PRKCE: variants seen among roughly 807,000 people sequenced by gnomAD.
PRKCE encodes protein kinase C epsilon.
A neutral mutation model predicts 85.4 loss-of-function variants in PRKCE; 16 were observed. The ratio of observed to expected loss-of-function variants is 0.19; its 90% CI spans 0.13 to 0.28. The LOEUF is 0.28. Among genes scored for constraint, PRKCE ranks in the 10% least tolerant of loss-of-function variants. PRKCE has a pLI of 1.00. For missense variants in PRKCE, 573 were observed against 975.2 expected, an observed-to-expected ratio of 0.59 and a Z score of 5.49; for synonymous variants, 388 against 371.5, an observed-to-expected ratio of 1.04 and a Z score of -0.51.
intron 11 of PRKCE, among the ~76,000 whole-genome samples, chr2:46,131,143 G>A (rs59584345): frequency 0.037 from 5,575 of 152,298 alleles, 324 homozygotes; most frequent in African/African-American, 0.12. Flanking sequence ...AATGGCCTCA[G>A]GAAAATCCAA....
chr2:45,856,511 G>A (rs139924918), intron 2 of PRKCE, among the ~76,000 whole-genome samples: 18 of 152,352 alleles, frequency 1.2e-4, no homozygotes, highest in East Asian at 9.6e-4. Context: ...GATTACAGGC[G>A]TGAGCCATGT....
chr2:45,770,180 G>A (rs1251104992), intron 1 of PRKCE, among the ~76,000 whole-genome samples: 1 of 152,178 alleles, frequency 6.6e-6, no homozygotes, highest in Non-Finnish European at 1.5e-5. Context: ...CTGCAGCCCT[G>A]GGGGACACTG....
intron 6 of PRKCE, among the ~76,000 whole-genome samples, chr2:45,984,938 G>A (rs1211799648): frequency 1.3e-5 from 2 of 152,154 alleles, no homozygotes; most frequent in Non-Finnish European, 2.9e-5. Context: ...TCACAATCTG[G>A]GGAGACAAAA....
At chr2:45,736,594 GC>G (rs1186527958) in intron 1 of PRKCE, among the ~76,000 whole-genome samples, 3 of 152,184 alleles carry the variant, frequency 2.0e-5, no homozygotes, top group African/African-American at 7.2e-5. Context: ...GACACTGCCT[GC>G]CTCTCCATCA....
intron 13 of PRKCE, among the ~76,000 whole-genome samples, chr2:46,153,447 A>C (rs182803810): frequency 2.2e-4 from 33 of 152,342 alleles, no homozygotes; most frequent in African/African-American, 7.7e-4. Flanking sequence ...CTAAATGGTA[A>C]CAAGTGCAAA....
intron 10 of PRKCE, among the ~76,000 whole-genome samples, chr2:46,044,137 T>C (rs1453213785): frequency 1.3e-5 from 2 of 152,212 alleles, no homozygotes; most frequent in African/African-American, 4.8e-5. Flanking sequence ...CACTGGGGAC[T>C]GTGTTCAAAC....
intron 2 of PRKCE, among the ~76,000 whole-genome samples, chr2:45,884,941 G>T (rs1695135390): frequency 8.9e-6 from 1 of 112,248 alleles, no homozygotes; most frequent in Non-Finnish European, 1.8e-5. Context: ...CGTGTGATCT[G>T]TTATATGTGA....
intron 10 of PRKCE, among the ~76,000 whole-genome samples, chr2:46,017,927 C>T (rs1030947575): frequency 6.6e-6 from 1 of 152,216 alleles, no homozygotes; most frequent in African/African-American, 2.4e-5. Flanking sequence ...GTATTTCTGT[C>T]TCCTTCTCTG....
At chr2:45,937,042 T>C (rs567716430) in intron 2 of PRKCE, among the ~76,000 whole-genome samples, 1 of 152,296 alleles carries the variant, frequency 6.6e-6, no homozygotes, top group South Asian at 2.1e-4. Context: ...CTTGGACCTT[T>C]TGTGGGCTCC....
chr2:45,697,024 T>C lies in PRKCE; in HGVS notation c.348+44576T>C, dbSNP rs368890273. On this transcript the variant is annotated intron_variant, in intron 1 of 14. Transcript: ENST00000306156. This position sits in a 1 kb window ranked among gnomAD's most constrained non-coding sequence, Gnocchi z 4.2. ...CTTTTGTACTTGCCACCAAGGCCCA[T>C]GTTTGGTGCAGAGCTGAAAGCAAAC... Among the ~76,000 whole-genome samples the C allele has an allele frequency of 6.6e-6, 1 of 152,232 alleles. No homozygotes were observed. The highest frequency in any genetic ancestry group is 1.9e-4 in the East Asian group (1 of 5,196).
intron 11 of PRKCE, among the ~76,000 whole-genome samples, chr2:46,089,839 T>G (rs1410091548): frequency 2.6e-5 from 4 of 152,168 alleles, no homozygotes; most frequent in Admixed American, 2.6e-4. Context: ...TTGCCACCCT[T>G]TAGGCACTCC....
chr2:46,001,669 C>T lies in PRKCE; in HGVS notation c.966+123C>T. On this transcript the variant is annotated intron_variant, in intron 7 of 14. Transcript: ENST00000306156. This position sits in a 1 kb window ranked among gnomAD's most constrained non-coding sequence, Gnocchi z 4.4. ...TGGGTTTGAGGTATTTTACTCAGAA[C>T]TGCAGTACTTAAAGAAAAAAACAAA... is the stretch of plus-strand genomic sequence containing the variant. The T allele has an allele frequency of 8.8e-7, 1 of 1,134,592 alleles. No individual in the cohort carries two copies. Among genetic ancestry groups the T allele is most frequent in the Non-Finnish European group, 1.2e-6 (1 of 856,866 alleles). 70.3% of individuals were successfully genotyped at this position (1,134,592 alleles called of 1,614,324 possible).
At chr2:45,854,226 C>T (rs1377709513) in intron 2 of PRKCE, among the ~76,000 whole-genome samples, 5 of 152,254 alleles carry the variant, frequency 3.3e-5, no homozygotes, top group East Asian at 1.9e-4. Context: ...ATTGCTGAGC[C>T]GGGAGCACCA....
intron 2 of PRKCE, among the ~76,000 whole-genome samples, chr2:45,925,907 C>T (rs1345853869): frequency 6.6e-6 from 1 of 152,236 alleles, no homozygotes; most frequent in Non-Finnish European, 1.5e-5. Context: ...GGTAGTCATT[C>T]CTGGCCCAGG....
Position 45,834,582 on chromosome 2 carries a change from G to A in PRKCE, c.349-8418G>A, listed in dbSNP as rs565601720. Among the ~76,000 whole-genome samples, 7 of 149,252 alleles carry A rather than the reference G, an allele frequency of 4.7e-5. No individual in the cohort carries two copies. The East Asian group carries it at 7.9e-4, about 17-fold the overall frequency. ...GGACGTATGTGCAGATCACGTGTGC[G>A]CATGTGTGTATGTGTGTGTGTGTGT... On this transcript the variant is annotated intron_variant, in intron 1 of 14. Transcript: ENST00000306156.
chr2:45,955,379 T>C (rs1240780806), intron 2 of PRKCE, among the ~76,000 whole-genome samples: 2 of 152,086 alleles, frequency 1.3e-5, no homozygotes, highest in East Asian at 1.9e-4. Flanking sequence ...GATAAAAACA[T>C]GGGAGGAAGA....
chr2:46,158,912 G>A (rs953063858), intron 13 of PRKCE, among the ~76,000 whole-genome samples: 8 of 152,194 alleles, frequency 5.3e-5, no homozygotes, highest in East Asian at 1.9e-4. Flanking sequence ...TGTAGGGATC[G>A]CCAGACACCA....
chr2:46,100,251 C>G (rs12622454), intron 11 of PRKCE, among the ~76,000 whole-genome samples: 40,632 of 151,922 alleles, frequency 0.27, 5,592 homozygotes, highest in South Asian at 0.41. Flanking sequence ...CAATTCCTGT[C>G]ATTCCTCGGA....
chr2:45,906,109 C>T (rs552153297), intron 2 of PRKCE, among the ~76,000 whole-genome samples: 25 of 152,342 alleles, frequency 1.6e-4, no homozygotes, highest in Admixed American at 7.8e-4. Context: ...TCCTGCTCCC[C>T]GCAACTCTGC....
Sources: allele counts gnomAD v4.1 joint callset (sites outside exome capture counted in the v4.1 genomes callset), GRCh38; gene constraint gnomAD v4.1.1; non-coding constraint Gnocchi (gnomAD v3.1); transcripts MANE v1.5; gene names NCBI Gene and HGNC (gene_info 2026-07-23, HGNC 2026-07-21).